Variants in NCAM2 observed in about 807,000 individuals in gnomAD.
The protein encoded by NCAM2 is neural cell adhesion molecule 2.
A neutral mutation model predicts 98.1 loss-of-function variants in NCAM2; 30 were observed. The observed-to-expected ratio is 0.31, with a 90% confidence interval of 0.23 to 0.41. The LOEUF is 0.41. Ranked by LOEUF, NCAM2 falls within the 10% of genes least tolerant of loss-of-function variation. The probability of loss-of-function intolerance (pLI) is 1.00; values close to 1 mark genes in which losing one functional copy is unlikely to be tolerated. For missense variants in NCAM2, 867 were observed against 1,005.8 expected, an observed-to-expected ratio of 0.86 and a Z score of 1.87; for synonymous variants, 368 against 342.4, an observed-to-expected ratio of 1.07 and a Z score of -0.83.
At chr21:21,349,576 T>G (rs2075280039) in intron 8 of NCAM2, among the ~76,000 whole-genome samples, 1 of 152,194 alleles carries the variant, frequency 6.6e-6, no homozygotes, top group Non-Finnish European at 1.5e-5. Context: ...ATCCCACTCC[T>G]GGGCATATAC....
intron 4 of NCAM2, 22 bp downstream of exon 4, chr21:21,286,434 T>A (rs2073104265): frequency 6.2e-7 from 1 of 1,607,606 alleles, no homozygotes; most frequent in South Asian, 1.1e-5. Context: ...GGTAACTCCC[T>A]AAGTTATATG....
intron 1 of NCAM2, among the ~76,000 whole-genome samples, chr21:21,236,778 G>GCA (rs1410613311): frequency 9.3e-5 from 14 of 151,326 alleles, no homozygotes; most frequent in African/African-American, 3.2e-4. Context: ...GTGTGTGTGT[G>GCA]TGTGTGTGCA....
chr21:21,053,587 T>A (rs1025981141), intron 1 of NCAM2, among the ~76,000 whole-genome samples: 1 of 151,192 alleles, frequency 6.6e-6, no homozygotes, highest in Non-Finnish European at 1.5e-5. Context: ...ATATATATTA[T>A]AATATTATTT....
chr21:21,490,454 T>G (rs1269164928), intron 15 of NCAM2, among the ~76,000 whole-genome samples: 1 of 151,994 alleles, frequency 6.6e-6, no homozygotes, highest in Non-Finnish European at 1.5e-5. Context: ...CTATGTATGC[T>G]TAAGTTAAAT....
chr21:21,477,535 T>A lies in NCAM2; in HGVS notation c.2077+64T>A, dbSNP rs562941273. On this transcript the variant is annotated intron_variant, in intron 15 of 17. Transcript: ENST00000400546. ...ATATGATACCACCTTTTTATAACCC[T>A]TACTGACTTTTCTTATTAATAATTA... is the stretch of plus-strand genomic sequence containing the variant. 138 of 1,233,926 alleles carry A rather than the reference T, an allele frequency of 1.1e-4. 1 individual carries two copies. The South Asian group carries it at 2.5e-3, about 22-fold the overall frequency. 76.4% of individuals were successfully genotyped at this position (1,233,926 alleles called of 1,614,324 possible). A position where few individuals can be genotyped will look rare whatever the true frequency, so the allele number is the denominator to read the frequency against.
At chr21:21,185,185 GTTTTAT>G (rs1021842477) in intron 1 of NCAM2, among the ~76,000 whole-genome samples, 19 of 152,234 alleles carry the variant, frequency 1.2e-4, no homozygotes, top group Admixed American at 7.2e-4. Context: ...CTATAGGTGG[GTTTTAT>G]TTTTATTTTT....
chr21:21,443,025 T>C (rs1435323344), intron 12 of NCAM2, among the ~76,000 whole-genome samples: 1 of 152,120 alleles, frequency 6.6e-6, no homozygotes, highest in Non-Finnish European at 1.5e-5. Flanking sequence ...CTATAAATTT[T>C]CCTCTACACG....
At chr21:21,259,355 T>C (rs1464055309) in intron 1 of NCAM2, among the ~76,000 whole-genome samples, 1 of 151,490 alleles carries the variant, frequency 6.6e-6, no homozygotes, top group Non-Finnish European at 1.5e-5. Flanking sequence ...ACAAAAACCG[T>C]ATGAACTGAA....
In NCAM2 at chr21:21,232,520, C is replaced by G. The variant is rs966967062; in HGVS notation, c.56-48058C>G. ...TTGATGGCAGTCATGTCTTTGGCAT[C>G]AGAAGGGCAGTTTGCTTCTCTTCTG... On this transcript the variant is annotated intron_variant, in intron 1 of 17. Transcript: ENST00000400546. Among the ~76,000 whole-genome samples, 12 of 151,362 alleles carry G rather than the reference C, an allele frequency of 7.9e-5. No individual in the cohort carries two copies. The East Asian group carries it at 2.3e-3, about 29-fold the overall frequency.
At chr21:21,401,019 A>G (rs1170133335) in intron 9 of NCAM2, among the ~76,000 whole-genome samples, 1 of 152,208 alleles carries the variant, frequency 6.6e-6, no homozygotes, top group Admixed American at 6.5e-5. Flanking sequence ...AAGAAAAGAA[A>G]AAAAGGCCAA....
chr21:21,087,988 G>T (rs1223369656), intron 1 of NCAM2, among the ~76,000 whole-genome samples: 1 of 152,020 alleles, frequency 6.6e-6, no homozygotes, highest in African/African-American at 2.4e-5. Flanking sequence ...ATACACATAA[G>T]CTCTGTAAAT....
At chr21:21,492,056 T>C (rs944278266) in intron 15 of NCAM2, among the ~76,000 whole-genome samples, 2 of 151,836 alleles carry the variant, frequency 1.3e-5, no homozygotes, top group East Asian at 1.9e-4. Context: ...TAATTTTTTA[T>C]TGTTCTACTA....
At chr21:21,308,505 A>C (rs1335260885) in intron 5 of NCAM2, among the ~76,000 whole-genome samples, 2 of 152,138 alleles carry the variant, frequency 1.3e-5, no homozygotes, top group Non-Finnish European at 2.9e-5. Context: ...TCCTCTGTAC[A>C]TAAAGTATCC....
At chr21:21,378,708 C>T (rs930691020) in intron 9 of NCAM2, among the ~76,000 whole-genome samples, 1 of 151,890 alleles carries the variant, frequency 6.6e-6, no homozygotes, top group African/African-American at 2.4e-5. Context: ...GTTATTACAT[C>T]CTACAGATAT....
chr21:21,082,053 C>G (rs1441120379), intron 1 of NCAM2, among the ~76,000 whole-genome samples: 1 of 150,476 alleles, frequency 6.6e-6, no homozygotes, highest in Non-Finnish European at 1.5e-5. Flanking sequence ...CAAGATGAAA[C>G]CCCATCTCTA....
rs540172445 is a variant in NCAM2, at chr21:21,212,836, G to A, written c.56-67742G>A. ...TGGCTCACTGCGAGCACCGCCTCCCGGGCTCACGCCATTCTCCTGCCTCAG... is the reference window on the plus strand; with the variant it reads ...TGGCTCACTGCGAGCACCGCCTCCCAGGCTCACGCCATTCTCCTGCCTCAG... On this transcript the variant is annotated intron_variant, in intron 1 of 17. Transcript: ENST00000400546. 1.2e-3 allele frequency among the ~76,000 whole-genome samples: 182 copies of A among 145,824 alleles called. 1 individual carries two copies. The highest frequency in any genetic ancestry group is 3.8e-3 in the South Asian group (17 of 4,530).
rs539688479 is a variant in NCAM2 at position 21,542,465 on chromosome 21, A to T, written c.*4508A>T. On this transcript the variant is annotated 3_prime_UTR_variant, in exon 18 of 18. Coordinates refer to ENST00000400546, the MANE Select transcript of NCAM2 (RefSeq NM_004540.5). ...ATTTTCATTTTATACAATTTTTGAG[A>T]TTCTGGCCACACAACATTCAGAATT... 1 of 151,922 alleles carries T rather than the reference A, an allele frequency of 6.6e-6. No homozygotes were observed. The highest frequency in any genetic ancestry group is 2.1e-4 in the South Asian group (1 of 4,828). The allele number at this position is 151,922 out of a possible 1,614,324, so 9.4% of individuals were successfully genotyped here.
chr21:21,386,142 T>C (rs1457215209), intron 9 of NCAM2, among the ~76,000 whole-genome samples: 1 of 151,826 alleles, frequency 6.6e-6, no homozygotes, highest in African/African-American at 2.4e-5. Flanking sequence ...GTAATTCTTA[T>C]CTCAAATTCT....
chr21:21,341,965 G>T (rs1490847500), intron 8 of NCAM2, among the ~76,000 whole-genome samples: 1 of 151,670 alleles, frequency 6.6e-6, no homozygotes, highest in Non-Finnish European at 1.5e-5. Flanking sequence ...TTTCTGAAAA[G>T]AAAAAAAGGA....
Sources: gnomAD v4.1 joint callset for allele counts (sites outside exome capture counted in the v4.1 genomes callset) on GRCh38, gnomAD v4.1.1 for gene constraint, MANE v1.5 for transcripts, NCBI Gene and HGNC (gene_info 2026-07-23, HGNC 2026-07-21) for gene names.